The following PARD3 variants were observed in gnomAD, a reference collection of about 807,000 sequenced individuals.
PARD3 encodes the protein par-3 family cell polarity regulator, also known as partitioning defective 3 homolog.
In PARD3, 75 loss-of-function variants were observed where a neutral mutation model predicts 155.4. That is an observed-to-expected ratio of 0.48 (90% CI 0.40 to 0.58). The LOEUF is 0.58. Ranked by LOEUF, PARD3 falls within the 20% of genes least tolerant of loss-of-function variation. PARD3 has a pLI of 0.00. For synonymous variants in PARD3, 576 were observed against 610.5 expected (o/e 0.94, Z 0.83); for missense variants, 1,642 against 1,721.7 (o/e 0.95, Z 0.82).
chr10:34,292,844 T>C (rs1258025465), intron 20 of PARD3, among the ~76,000 whole-genome samples: 1 of 152,120 alleles, frequency 6.6e-6, no homozygotes, highest in African/African-American at 2.4e-5. Context: ...TCCTTATAAG[T>C]GCACTCCTAC....
intron 1 of PARD3, among the ~76,000 whole-genome samples, chr10:34,698,238 T>C (rs1371934275): frequency 6.6e-6 from 1 of 152,230 alleles, no homozygotes; most frequent in Non-Finnish European, 1.5e-5. Flanking sequence ...ATCTGCAGCC[T>C]TTATATAATA....
intron 4 of PARD3, among the ~76,000 whole-genome samples, chr10:34,453,253 T>C (rs2077157358): frequency 6.6e-6 from 1 of 152,244 alleles, no homozygotes; most frequent in Non-Finnish European, 1.5e-5. Flanking sequence ...AAAGCCCAGT[T>C]CAAACGCTAT....
intron 5 of PARD3, among the ~76,000 whole-genome samples, chr10:34,448,163 G>GTGTGTGTGTA (rs373479806): frequency 0.013 from 1,933 of 149,724 alleles, 32 homozygotes; most frequent in African/African-American, 0.045. Flanking sequence ...GTGTGTGTGT[G>GTGTGTGTGTA]TACACATAAA....
At position 34,687,826 on chromosome 10, in the gene PARD3, C is replaced by A. The variant is rs550234460; in HGVS notation, c.222+8492G>T. ...CCGCCACCTACTGACTCCACATGCC[C>A]GGTCAGTTACACCTGAAATCTTTTT... On this transcript the variant is annotated intron_variant, in intron 2 of 24. Coordinates refer to ENST00000374788, the MANE Select transcript of PARD3 (RefSeq NM_001184785.2). Among the ~76,000 whole-genome samples the A allele has an allele frequency of 1.5e-4, 22 of 143,048 alleles. No individual in the cohort carries two copies. In the South Asian group the frequency reaches 4.9e-3, roughly 32 times the overall value. The allele number at this position is 143,048 out of a possible 152,430, so 93.8% of individuals were successfully genotyped here.
At chr10:34,253,687 GAC>G (rs1954465729) in intron 22 of PARD3, among the ~76,000 whole-genome samples, 3 of 60,892 alleles carry the variant, frequency 4.9e-5, no homozygotes, top group Non-Finnish European at 1.8e-4. Context: ...CAAAGAATCA[GAC>G]GACCACTCAG....
At chr10:34,151,415 G>A (rs1212096979) in intron 22 of PARD3, among the ~76,000 whole-genome samples, 1 of 150,190 alleles carries the variant, frequency 6.7e-6, no homozygotes, top group Non-Finnish European at 1.5e-5. Context: ...AGAGAAGAGA[G>A]GTTTTTTTTT....
intron 2 of PARD3, among the ~76,000 whole-genome samples, chr10:34,603,622 T>C (rs2477012): frequency 0.53 from 80,014 of 152,004 alleles, 24,435 homozygotes; most frequent in African/African-American, 0.86. Flanking sequence ...AAACGACTCA[T>C]TTCTTTGCCA....
intron 5 of PARD3, among the ~76,000 whole-genome samples, chr10:34,434,463 A>G (rs1203077551): frequency 1.3e-5 from 2 of 152,256 alleles, no homozygotes; most frequent in African/African-American, 2.4e-5. Context: ...CTTGGTCAGC[A>G]TAAGACATGC....
In PARD3 at chr10:34,118,534, T is replaced by C. The variant is rs143314737; in HGVS notation, c.3668+1079A>G. On this transcript the variant is annotated intron_variant, in intron 24 of 24. Transcript: ENST00000374788. ...TAATTTTTGTATTTTTTTATGGAGA[T>C]AGTGTTTTGCCATGTTGCCCAGGCT... Among the ~76,000 whole-genome samples, 27 of 152,052 alleles carry C rather than the reference T, an allele frequency of 1.8e-4. No individual in the cohort carries two copies. The East Asian group carries it at 5.0e-3, about 28-fold the overall frequency.
At chr10:34,127,525 G>A (rs143455343) in intron 23 of PARD3, among the ~76,000 whole-genome samples, 1 of 151,870 alleles carries the variant, frequency 6.6e-6, no homozygotes, top group Non-Finnish European at 1.5e-5. Flanking sequence ...TTTTCTTTTC[G>A]ATCTTTGTTC....
intron 2 of PARD3, among the ~76,000 whole-genome samples, chr10:34,585,729 A>G (rs375159949): frequency 1.3e-4 from 20 of 152,194 alleles, no homozygotes; most frequent in African/African-American, 4.3e-4. Flanking sequence ...GTAAAATCCC[A>G]TAACATTAAT....
intron 20 of PARD3, among the ~76,000 whole-genome samples, chr10:34,295,310 C>A (rs1258707430): frequency 6.6e-6 from 1 of 152,136 alleles, no homozygotes; most frequent in African/African-American, 2.4e-5. Flanking sequence ...ACAAGAAATT[C>A]GGCAAATGTC....
chr10:34,767,038 GT>G (rs1838191806), intron 1 of PARD3, among the ~76,000 whole-genome samples: 1 of 152,170 alleles, frequency 6.6e-6, no homozygotes, highest in Non-Finnish European at 1.5e-5. Flanking sequence ...GACTCCTGCA[GT>G]GTCATTCATA....
chr10:34,446,807 A>C (rs1331961272), intron 5 of PARD3, among the ~76,000 whole-genome samples: 1 of 152,158 alleles, frequency 6.6e-6, no homozygotes. Flanking sequence ...TTGCTGTTTC[A>C]TATTTTAATA....
chr10:34,543,871 T>C (rs535353639), intron 2 of PARD3, among the ~76,000 whole-genome samples: 16 of 152,290 alleles, frequency 1.1e-4, no homozygotes, highest in African/African-American at 3.6e-4. Context: ...ATAGTCAATG[T>C]AATAGCTTTG....
chr10:34,449,377 T>G (rs528601462), intron 5 of PARD3, among the ~76,000 whole-genome samples: 1 of 143,188 alleles, frequency 7.0e-6, no homozygotes, highest in Non-Finnish European at 1.5e-5. Context: ...GATTCCCTAC[T>G]ACAAAAAACC....
At chr10:34,730,279 CCT>C (rs902901418) in intron 1 of PARD3, among the ~76,000 whole-genome samples, 1 of 151,942 alleles carries the variant, frequency 6.6e-6, no homozygotes, top group African/African-American at 2.4e-5. Context: ...ACAAATCTCA[CCT>C]CTCTCTCTCC....
At chr10:34,242,437 C>A (rs918767173) in intron 22 of PARD3, among the ~76,000 whole-genome samples, 2 of 152,088 alleles carry the variant, frequency 1.3e-5, no homozygotes, top group African/African-American at 4.8e-5. Flanking sequence ...AGGCGACTAC[C>A]TTCATCTGCA....
chr10:34,362,346 G>T (rs746988369), intron 12 of PARD3, among the ~76,000 whole-genome samples: 2 of 152,056 alleles, frequency 1.3e-5, no homozygotes, highest in Non-Finnish European at 2.9e-5. Context: ...AACAATTTTA[G>T]CTCAAATAAA....
Sources: allele counts gnomAD v4.1 joint callset (sites outside exome capture counted in the v4.1 genomes callset), GRCh38; gene constraint gnomAD v4.1.1; transcripts MANE v1.5; gene names NCBI Gene and HGNC (gene_info 2026-07-23, HGNC 2026-07-21).